Variants in DBNDD1 observed in about 807,000 individuals in gnomAD.
DBNDD1 encodes dysbindin domain containing 1.
DBNDD1 carries 14 observed loss-of-function variants against 17.0 expected under a neutral mutation model. That is an observed-to-expected ratio of 0.82 (90% CI 0.54 to 1.29). The LOEUF is 1.29. Ranked by LOEUF, DBNDD1 falls within the 50% of genes most tolerant of loss-of-function variation. The pLI is 0.00. For synonymous variants in DBNDD1, 105 were observed against 102.0 expected (o/e 1.03, Z -0.18); for missense variants, 221 against 216.2 (o/e 1.02, Z -0.14).
intron 1 of DBNDD1, among the ~76,000 whole-genome samples, chr16:90,016,129 G>C (rs1244127211): frequency 6.6e-6 from 1 of 152,178 alleles, no homozygotes; most frequent in Non-Finnish European, 1.5e-5. Flanking sequence ...CAGACCCCCA[G>C]GCACAGCCCC....
chr16:90,009,546 A>G, intron 1 of DBNDD1, 116 bp from the exon 2 acceptor site: 2 of 1,479,138 alleles, frequency 1.4e-6, no homozygotes, highest in South Asian at 2.5e-5. Flanking sequence ...CTGGGCAGTG[A>G]CCAGCAGGTG....
At chr16:90,012,589 A>G (rs546263861) in intron 1 of DBNDD1, among the ~76,000 whole-genome samples, 1 of 151,756 alleles carries the variant, frequency 6.6e-6, no homozygotes, top group African/African-American at 2.4e-5. Context: ...CCTTCCGAGT[A>G]GCTGGGATTA....
At chr16:90,013,044 A>G (rs935692535) in intron 1 of DBNDD1, among the ~76,000 whole-genome samples, 7 of 151,740 alleles carry the variant, frequency 4.6e-5, no homozygotes, top group Non-Finnish European at 1.0e-4. Flanking sequence ...ACCTGGGGCC[A>G]GAGTAGTTCT....
chr16:90,015,522 C>T (rs1169387391), intron 1 of DBNDD1, among the ~76,000 whole-genome samples: 1 of 152,084 alleles, frequency 6.6e-6, no homozygotes, highest in Non-Finnish European at 1.5e-5. Flanking sequence ...GAGGTGGGCA[C>T]CCCTAACACT....
At position 90,008,839 on chromosome 16, in the gene DBNDD1, C is replaced by A; in HGVS notation, c.264G>T (p.Leu88=). The change falls in exon 3 of 4, where the codon CTG becomes CTT. Residue 88 remains leucine (L), a synonymous_variant. Transcript: ENST00000002501. ...CGTCCGAGTCAGCAAAGACCTCGGC[C>A]AGCTCCTGGTCCGACATGTCGGTGA... is the stretch of plus-strand genomic sequence containing the variant. ...TELTDMSDQE[L]AEVFADSDDE... is the part of the protein sequence containing the mutation. 1.2e-6 allele frequency: 2 copies of A among 1,604,908 alleles called. No homozygotes were observed. The highest frequency in any genetic ancestry group is 2.7e-5 in the African/African-American group (2 of 74,898).
At chr16:90,018,922 A>G (rs960243189) in intron 1 of DBNDD1, among the ~76,000 whole-genome samples, 30 of 152,122 alleles carry the variant, frequency 2.0e-4, no homozygotes, top group Non-Finnish European at 8.8e-5. Flanking sequence ...ACGCGCTTGC[A>G]AGCGGCCAGC....
At chr16:90,011,851 G>C (rs1009296905) in intron 1 of DBNDD1, among the ~76,000 whole-genome samples, 1 of 152,174 alleles carries the variant, frequency 6.6e-6, no homozygotes, top group Non-Finnish European at 1.5e-5. Flanking sequence ...GGGACCTCCC[G>C]GACACCAGCA....
chr16:90,011,655 C>T (rs938030950), intron 1 of DBNDD1: 6 of 454,896 alleles, frequency 1.3e-5, no homozygotes, highest in Non-Finnish European at 2.7e-5. Context: ...GCGGGCTGGA[C>T]GGGGCTCTCG....
intron 3 of DBNDD1, 82 bp from the exon 4 acceptor site, chr16:90,006,574 C>G: frequency 6.7e-7 from 1 of 1,502,298 alleles, no homozygotes. Context: ...CGCCGGCCTC[C>G]TGCGCCACTC....
intron 1 of DBNDD1, 37 bp from the exon 2 acceptor site, chr16:90,009,467 A>G (rs1161119441): frequency 1.9e-6 from 3 of 1,602,806 alleles, no homozygotes; most frequent in African/African-American, 1.3e-5. Flanking sequence ...TGAGATCCAC[A>G]GGGCTCCCAC....
chr16:90,014,272 G>T (rs999440729), intron 1 of DBNDD1, among the ~76,000 whole-genome samples: 4 of 151,912 alleles, frequency 2.6e-5, no homozygotes, highest in Non-Finnish European at 5.9e-5. Flanking sequence ...GATTACAGGC[G>T]TGCGCCACCA....
chr16:90,018,456 C>A (rs1377245818), intron 1 of DBNDD1, among the ~76,000 whole-genome samples: 1 of 152,224 alleles, frequency 6.6e-6, no homozygotes, highest in African/African-American at 2.4e-5. Flanking sequence ...GCAGGCTGGC[C>A]TGCCTGTGCC....
chr16:90,009,097 A>G (rs1429383418), intron 2 of DBNDD1, 173 bp from the exon 3 acceptor site: 5 of 1,205,578 alleles, frequency 4.1e-6, no homozygotes, highest in Non-Finnish European at 5.6e-6. Flanking sequence ...ACTCATGACT[A>G]GAAGGCTTTC....
intron 1 of DBNDD1, among the ~76,000 whole-genome samples, chr16:90,013,308 A>G (rs1266700539): frequency 7.0e-6 from 1 of 142,834 alleles, no homozygotes; most frequent in African/African-American, 2.6e-5. Context: ...GTTTTCTAGT[A>G]CAGTCCCAGC....
intron 3 of DBNDD1, 132 bp downstream of exon 3, chr16:90,008,652 G>A: frequency 1.7e-6 from 1 of 579,104 alleles, no homozygotes; most frequent in South Asian, 2.6e-5. Flanking sequence ...GTCCCAAGGG[G>A]CCTCACCCCC....
At chr16:90,006,522 G>A (rs1051907939) in intron 3 of DBNDD1, 30 bp from the exon 4 acceptor site, 2 of 1,589,792 alleles carry the variant, frequency 1.3e-6, no homozygotes, top group Non-Finnish European at 1.7e-6. Flanking sequence ...GGAACTCGGT[G>A]TGGCTGAGAG....
chr16:90,006,567 C>T (rs980274506), intron 3 of DBNDD1, 75 bp from the exon 4 acceptor site: 56 of 1,514,542 alleles, frequency 3.7e-5, no homozygotes, highest in Middle Eastern at 2.4e-4. Flanking sequence ...CAGGTGCCGC[C>T]GGCCTCCTGC....
intron 1 of DBNDD1, among the ~76,000 whole-genome samples, chr16:90,010,487 C>T (rs2151262136): frequency 6.6e-6 from 1 of 151,360 alleles, no homozygotes; most frequent in Middle Eastern, 3.4e-3. Context: ...CCTGCCTCAG[C>T]CTCCTTAGTA....
chr16:90,015,054 G>T (rs918066120), intron 1 of DBNDD1, among the ~76,000 whole-genome samples: 2 of 150,946 alleles, frequency 1.3e-5, no homozygotes, highest in African/African-American at 2.4e-5. Flanking sequence ...TCTTGAGACA[G>T]CAACACATCT....
Sources: allele counts gnomAD v4.1 joint callset (sites outside exome capture counted in the v4.1 genomes callset), GRCh38; gene constraint gnomAD v4.1.1; transcripts MANE v1.5; gene names NCBI Gene and HGNC (gene_info 2026-07-23, HGNC 2026-07-21).